The following RASGEF1B variants were observed in gnomAD, a reference collection of about 807,000 sequenced individuals.
The protein encoded by RASGEF1B is RasGEF domain family member 1B.
A neutral mutation model predicts 65.7 loss-of-function variants in RASGEF1B; 30 were observed. The ratio of observed to expected loss-of-function variants is 0.46; its 90% CI spans 0.34 to 0.62. RASGEF1B has a LOEUF of 0.62. Ranked by LOEUF, RASGEF1B falls within the 20% of genes least tolerant of loss-of-function variation. The probability of loss-of-function intolerance (pLI) is 0.01; values close to 1 mark genes in which losing one functional copy is unlikely to be tolerated. For synonymous variants in RASGEF1B, 175 were observed against 194.8 expected (o/e 0.90, Z 0.85); for missense variants, 495 against 580.1 (o/e 0.85, Z 1.51).
intron 1 of RASGEF1B, among the ~76,000 whole-genome samples, chr4:81,468,652 T>A (rs1560714747): frequency 6.6e-6 from 1 of 152,118 alleles, no homozygotes; most frequent in African/African-American, 2.4e-5. Context: ...CAAAAAGCAG[T>A]TTAATATTAA....
intron 10 of RASGEF1B, among the ~76,000 whole-genome samples, chr4:81,435,208 A>C (rs369211121): frequency 6.6e-6 from 1 of 151,724 alleles, no homozygotes; most frequent in African/African-American, 2.4e-5. Flanking sequence ...TCAGGAGATC[A>C]AGACCATCCT....
intron 1 of RASGEF1B, among the ~76,000 whole-genome samples, chr4:81,466,770 A>AAAAGAAAGAAAGAAAGAAAGAAGG (rs1722833547): frequency 5.5e-5 from 2 of 36,100 alleles, no homozygotes; most frequent in Non-Finnish European, 1.1e-4. Flanking sequence ...AAAAAAAAAA[A>AAAAGAAAGAAAGAAAGAAAGAAGG]AAAGAAAGAA....
At chr4:81,435,278 G>T (rs1214189968) in intron 10 of RASGEF1B, among the ~76,000 whole-genome samples, 1 of 151,358 alleles carries the variant, frequency 6.6e-6, no homozygotes, top group Non-Finnish European at 1.5e-5. Context: ...AGGTGTGGTG[G>T]CGGGCGCCTG....
intron 12 of RASGEF1B, among the ~76,000 whole-genome samples, chr4:81,432,924 T>C (rs962216013): frequency 6.6e-6 from 1 of 151,900 alleles, no homozygotes; most frequent in Admixed American, 6.6e-5. Flanking sequence ...TAGGTGATAT[T>C]AATTAAAAAT....
At chr4:81,441,646 A>G (rs2109974798) in intron 9 of RASGEF1B, among the ~76,000 whole-genome samples, 1 of 151,560 alleles carries the variant, frequency 6.6e-6, no homozygotes, top group East Asian at 2.0e-4. Flanking sequence ...GGCTCAATCA[A>G]TCCTCCTGCC....
chr4:81,450,695 C>T (rs1028994180), intron 4 of RASGEF1B, among the ~76,000 whole-genome samples: 9 of 151,920 alleles, frequency 5.9e-5, no homozygotes, highest in South Asian at 4.2e-4. Flanking sequence ...TATGAGCCAC[C>T]GTACCCAGCC....
chr4:81,439,424 A>G (rs1721759995), intron 10 of RASGEF1B, among the ~76,000 whole-genome samples: 1 of 152,256 alleles, frequency 6.6e-6, no homozygotes, highest in Admixed American at 6.5e-5. Context: ...GACTTTTTGT[A>G]GAAAAAAACT....
intron 10 of RASGEF1B, among the ~76,000 whole-genome samples, chr4:81,440,108 C>T (rs1206249432): frequency 2.0e-5 from 3 of 152,292 alleles, no homozygotes; most frequent in Middle Eastern, 3.4e-3. Context: ...AAAATAACCT[C>T]CATCAAGCAA....
intron 13 of RASGEF1B, among the ~76,000 whole-genome samples, chr4:81,429,169 G>A (rs1395925284): frequency 6.6e-6 from 1 of 152,218 alleles, no homozygotes; most frequent in Non-Finnish European, 1.5e-5. Flanking sequence ...GAGAGGAAGA[G>A]TGCCTCCTGA....
chr4:81,443,586 T>G (rs1426164831), intron 8 of RASGEF1B, among the ~76,000 whole-genome samples: 2 of 152,246 alleles, frequency 1.3e-5, no homozygotes, highest in African/African-American at 4.8e-5. Context: ...CTAAAATTAA[T>G]CCATGTTACT....
At chr4:81,459,598 T>C (rs1560709849) in intron 1 of RASGEF1B, 84 bp from the exon 2 acceptor site, 1 of 1,033,940 alleles carries the variant, frequency 9.7e-7, no homozygotes, top group Non-Finnish European at 1.4e-6. Flanking sequence ...GCACTAAGAT[T>C]TAATAGTAAC....
At chr4:81,461,919 G>C (rs6535251) in intron 1 of RASGEF1B, among the ~76,000 whole-genome samples, 26,546 of 152,174 alleles carry the variant, frequency 0.17, 2,662 homozygotes, top group African/African-American at 0.26. Context: ...TCTCCGGCCA[G>C]AGGCTAATTA....
intron 2 of RASGEF1B, among the ~76,000 whole-genome samples, chr4:81,458,606 CCTA>C (rs757421327): frequency 2.0e-5 from 3 of 152,158 alleles, no homozygotes; most frequent in Non-Finnish European, 4.4e-5. Context: ...CGGCAAATCT[CCTA>C]CTACTAAGCT....
chr4:81,441,716 T>C (rs1395754278), intron 9 of RASGEF1B, among the ~76,000 whole-genome samples: 1 of 151,962 alleles, frequency 6.6e-6, no homozygotes, highest in Non-Finnish European at 1.5e-5. Context: ...TAATTTTTTG[T>C]ATTTTTTATA....
At chr4:81,429,125 C>T (rs888153552) in intron 13 of RASGEF1B, among the ~76,000 whole-genome samples, 1 of 152,224 alleles carries the variant, frequency 6.6e-6, no homozygotes, top group Non-Finnish European at 1.5e-5. Flanking sequence ...GAGAAAACCA[C>T]AAACACTACA....
rs2109980990 is a variant in RASGEF1B at position 81,447,587 on chromosome 4, C to T, written c.655-9G>A. On this transcript the variant is annotated splice_polypyrimidine_tract_variant and intron_variant, in intron 5 of 13. Coordinates refer to ENST00000264400, the MANE Select transcript of RASGEF1B (RefSeq NM_152545.3). ...ATATAATTGAGCCTCTCCTGAAACA[C>T]AAACCCAGAAGGTCAACAGTATTAA... 2 of 1,611,982 alleles carry T rather than the reference C, an allele frequency of 1.2e-6. No homozygotes were observed. Among genetic ancestry groups the T allele is most frequent in the East Asian group, 4.5e-5 (2 of 44,860 alleles).
At chr4:81,439,990 A>T (rs912113179) in intron 10 of RASGEF1B, among the ~76,000 whole-genome samples, 24 of 152,158 alleles carry the variant, frequency 1.6e-4, no homozygotes, top group Admixed American at 1.4e-3. Flanking sequence ...TTGAGGCCGA[A>T]CCTTTTTCAG....
rs771109659 is a variant in RASGEF1B, at chr4:81,442,207, G to A, written c.1008+90C>T. 1.2e-4 allele frequency: 99 copies of A among 857,704 alleles called. 1 individual carries two copies. The highest frequency in any genetic ancestry group is 2.3e-4 in the Admixed American group (13 of 55,978). 53.1% of individuals were successfully genotyped at this position (857,704 alleles called of 1,614,324 possible). ...AGATAGATGGGCTTTTTCCTCTGTC[G>A]TAGTCTGATGGAGAGGCAAGACCAC... On this transcript the variant is annotated intron_variant, in intron 9 of 13. Transcript: ENST00000264400.
chr4:81,465,360 G>A (rs1056453458), intron 1 of RASGEF1B, among the ~76,000 whole-genome samples: 2 of 152,196 alleles, frequency 1.3e-5, no homozygotes, highest in African/African-American at 4.8e-5. Flanking sequence ...TAGATTACAG[G>A]TTATGCTGGA....
Sources: allele counts gnomAD v4.1 joint callset (sites outside exome capture counted in the v4.1 genomes callset), GRCh38; gene constraint gnomAD v4.1.1; transcripts MANE v1.5; gene names NCBI Gene and HGNC (gene_info 2026-07-23, HGNC 2026-07-21).